The following EMILIN2 variants were observed in gnomAD, a reference collection of about 807,000 sequenced individuals.
EMILIN2 encodes EMILIN-2.
A neutral mutation model predicts 87.1 loss-of-function variants in EMILIN2; 71 were observed. The observed-to-expected ratio is 0.82, with a 90% CI of 0.67 to 0.99. EMILIN2 has a LOEUF of 0.99. EMILIN2 is among the 50% of genes least tolerant of loss of function. The probability of loss-of-function intolerance (pLI) is 0.00; values close to 1 mark genes in which losing one functional copy is unlikely to be tolerated. For missense variants in EMILIN2, 1,407 were observed against 1,371.8 expected, an observed-to-expected ratio of 1.03 and a Z score of -0.40; for synonymous variants, 581 against 563.4, an observed-to-expected ratio of 1.03 and a Z score of -0.44.
intron 3 of EMILIN2, among the ~76,000 whole-genome samples, chr18:2,889,692 CTTTTTTT>C (rs34248672): frequency 1.8e-4 from 17 of 96,656 alleles, no homozygotes; most frequent in East Asian, 3.0e-4. Flanking sequence ...TTTTTCTTTT[CTTTTTTT>C]TTTTTTTTTT....
chr18:2,908,148 A>G (rs2076923540), intron 5 of EMILIN2, among the ~76,000 whole-genome samples: 1 of 152,110 alleles, frequency 6.6e-6, no homozygotes, highest in South Asian at 2.1e-4. Flanking sequence ...CTAAGATAAC[A>G]CTTATCTTCT....
chr18:2,890,659 G>C lies in EMILIN2; in HGVS notation c.532G>C (p.Glu178Gln). The C allele has an allele frequency of 6.2e-7, 1 of 1,613,966 alleles. No individual in the cohort carries two copies. Among genetic ancestry groups the C allele is most frequent in the South Asian group, 1.1e-5 (1 of 91,068 alleles). ...WGVDPKEGPQELQEKKIQVLE... is the reference protein window; with the variant it reads ...WGVDPKEGPQQLQEKKIQVLE... ...GGTAGATCCAAAAGAGGGGCCTCAG[G>C]AACTTCAGGAAAAGAAGATACAGGT... The change falls in exon 4 of 8, where the codon GAA (glutamate) becomes CAA (glutamine). Residue 178 changes from glutamate (E) to glutamine (Q), a missense_variant. Glu to Gln is a conservative substitution (Grantham distance 29). Coordinates refer to ENST00000254528, the MANE Select transcript of EMILIN2 (RefSeq NM_032048.3). This position sits in a 1 kb window ranked among gnomAD's most constrained non-coding sequence, Gnocchi z 4.7.
intron 2 of EMILIN2, among the ~76,000 whole-genome samples, chr18:2,869,786 T>TTTGTGTGTGTGTGTG (rs1555666537): frequency 1.7e-5 from 1 of 59,068 alleles, no homozygotes; most frequent in African/African-American, 5.9e-5. Context: ...GTGTGTGTGT[T>TTTGTGTGTGTGTGTG]TGTGTGTGTG....
At chr18:2,908,395 C>T (rs2076924958) in intron 5 of EMILIN2, among the ~76,000 whole-genome samples, 1 of 152,176 alleles carries the variant, frequency 6.6e-6, no homozygotes, top group African/African-American at 2.4e-5. Context: ...CCCCAGGGAC[C>T]CACCCACCCA....
rs945591119 is a variant in EMILIN2, at chr18:2,861,472, C to T, written c.257+13541C>T. Among the ~76,000 whole-genome samples, 6 of 152,298 alleles carry T rather than the reference C, an allele frequency of 3.9e-5. No individual in the cohort carries two copies. The South Asian group carries it at 8.3e-4, about 21-fold the overall frequency. ...ATATGGCTAGCCAGTTTTCCCAGCA[C>T]CATTCATTAAATAGGGAATCCTTTC... is the stretch of plus-strand genomic sequence containing the variant. On this transcript the variant is annotated intron_variant, in intron 2 of 7. Coordinates refer to ENST00000254528, the MANE Select transcript of EMILIN2 (RefSeq NM_032048.3).
intron 2 of EMILIN2, among the ~76,000 whole-genome samples, chr18:2,879,012 G>A (rs1428321397): frequency 6.6e-6 from 1 of 152,192 alleles, no homozygotes; most frequent in Non-Finnish European, 1.5e-5. Context: ...AAGGCAAGGA[G>A]CCTTGCCTTG....
At chr18:2,856,202 C>T (rs1178524794) in intron 2 of EMILIN2, among the ~76,000 whole-genome samples, 2 of 151,800 alleles carry the variant, frequency 1.3e-5, no homozygotes, top group Non-Finnish European at 2.9e-5. Flanking sequence ...TAGTGAGACC[C>T]CCCTCTCTAA....
Position 2,891,084 on chromosome 18 carries a change from C to G in EMILIN2, c.957C>G (p.Asp319Glu), listed in dbSNP as rs2076833842. 6.2e-7 allele frequency: 1 copy of G among 1,614,162 alleles called. No individual in the cohort carries two copies. Among genetic ancestry groups the G allele is most frequent in the East Asian group, 2.2e-5 (1 of 44,876 alleles). The stretch of plus-strand genomic sequence containing the variant: ...ACGAACTCTACCAAGCCTATGTGGA[C>G]AGTAAGATCGACGCCCTGAGAGAGG... ...TTNELYQAYV[D>E]SKIDALREEL... Residue 319 changes from aspartate to glutamate, a missense_variant, in exon 4 of 8, where the codon GAC becomes GAG. Coordinates refer to ENST00000254528, the MANE Select transcript of EMILIN2 (RefSeq NM_032048.3). The surrounding 1 kb of genome is among the most constrained non-coding windows in gnomAD (Gnocchi z 4.6).
intron 2 of EMILIN2, among the ~76,000 whole-genome samples, chr18:2,876,576 C>G (rs1440631530): frequency 2.2e-5 from 3 of 137,806 alleles, no homozygotes; most frequent in African/African-American, 8.0e-5. Flanking sequence ...ACCATCCTGG[C>G]TAACACGGTG....
intron 4 of EMILIN2, among the ~76,000 whole-genome samples, chr18:2,903,483 T>G (rs893076835): frequency 1.3e-5 from 2 of 152,216 alleles, no homozygotes; most frequent in Non-Finnish European, 2.9e-5. Flanking sequence ...TTTCTTTTCT[T>G]TGGTACTTAC....
chr18:2,892,762 A>T (rs570872603), intron 4 of EMILIN2, among the ~76,000 whole-genome samples: 2 of 151,350 alleles, frequency 1.3e-5, no homozygotes, highest in Admixed American at 1.3e-4. Context: ...TTCTAAAATA[A>T]TTTGACAGAC....
At chr18:2,866,989 T>A (rs186034772) in intron 2 of EMILIN2, among the ~76,000 whole-genome samples, 1 of 152,352 alleles carries the variant, frequency 6.6e-6, no homozygotes, top group Non-Finnish European at 1.5e-5. Flanking sequence ...GTTTATGTGG[T>A]ATATCACATT....
Position 2,885,852 on chromosome 18 carries a change from T to C in EMILIN2, c.433+713T>C, listed in dbSNP as rs185068366. Among the ~76,000 whole-genome samples, 842 of 152,358 alleles carry C rather than the reference T, an allele frequency of 5.5e-3. 6 individuals are homozygous for C. Among genetic ancestry groups the C allele is most frequent in the South Asian group, 0.031 (151 of 4,824 alleles). On this transcript the variant is annotated intron_variant, in intron 3 of 7. Transcript: ENST00000254528. ...TCTTTTTAAGTTCAGTCACAATAAA[T>C]GCAGCCTAGGTTTTCTTATGAAATT... is the stretch of plus-strand genomic sequence containing the variant.
chr18:2,852,579 C>T (rs2076606832), intron 2 of EMILIN2, among the ~76,000 whole-genome samples: 1 of 152,208 alleles, frequency 6.6e-6, no homozygotes, highest in Non-Finnish European at 1.5e-5. Flanking sequence ...AGCGCAGCGG[C>T]ACCATCTCGG....
intron 3 of EMILIN2, 142 bp downstream of exon 3, chr18:2,885,281 G>A: frequency 1.1e-6 from 1 of 905,970 alleles, no homozygotes; most frequent in Non-Finnish European, 1.5e-6. Context: ...AGCCACATGT[G>A]ACAAATTTAT....
At chr18:2,884,213 C>T (rs2076791621) in intron 2 of EMILIN2, among the ~76,000 whole-genome samples, 1 of 152,112 alleles carries the variant, frequency 6.6e-6, no homozygotes, top group African/African-American at 2.4e-5. Context: ...GCCTCGGCCT[C>T]CCAAAGTGCT....
intron 2 of EMILIN2, among the ~76,000 whole-genome samples, chr18:2,852,419 A>C (rs2143949683): frequency 6.6e-6 from 1 of 152,346 alleles, no homozygotes; most frequent in East Asian, 1.9e-4. Flanking sequence ...GAAACTTGTC[A>C]CAGGGGAATG....
intron 2 of EMILIN2, among the ~76,000 whole-genome samples, chr18:2,881,091 T>A (rs999886578): frequency 6.6e-6 from 1 of 152,006 alleles, no homozygotes; most frequent in Non-Finnish European, 1.5e-5. Flanking sequence ...GCTGGGAAAA[T>A]CCCAGTAGGG....
In EMILIN2 at chr18:2,915,742, CG is replaced by C. The variant is rs2076965569; in HGVS notation, c.*2339del. 6.6e-6 allele frequency: 1 copy of C among 152,210 alleles called. No individual in the cohort carries two copies. The highest frequency in any genetic ancestry group is 1.5e-5 in the Non-Finnish European group (1 of 68,118). The allele number at this position is 152,210 out of a possible 1,614,324, so 9.4% of individuals were successfully genotyped here. ...TTCACCGTGTTGCCCAGGCTGGTCG[CG>C]AACTCCTGAGCTCAGCCAATCCGCC... On this transcript the variant is annotated 3_prime_UTR_variant, in exon 8 of 8. Transcript: ENST00000254528.
Sources: gnomAD v4.1 joint callset for allele counts (sites outside exome capture counted in the v4.1 genomes callset) on GRCh38, gnomAD v4.1.1 for gene constraint, Gnocchi (gnomAD v3.1) non-coding constraint, MANE v1.5 for transcripts, NCBI Gene and HGNC (gene_info 2026-07-23, HGNC 2026-07-21) for gene names.